CD8B2: variants seen among roughly 807,000 people sequenced by gnomAD.
CD8B2 encodes the protein T-cell surface glycoprotein CD8 beta-2 chain.
In CD8B2, 11 loss-of-function variants were observed where a neutral mutation model predicts 23.7. That is an observed-to-expected ratio of 0.46 (90% confidence interval 0.29 to 0.77). The LOEUF is 0.77. Among genes scored for constraint, CD8B2 ranks in the 30% least tolerant of loss-of-function variants. The pLI is 0.09. For synonymous variants in CD8B2, 90 were observed against 109.3 expected (o/e 0.82, Z 1.10); for missense variants, 197 against 270.5 (o/e 0.73, Z 1.91).
intron 2 of CD8B2, among the ~76,000 whole-genome samples, chr2:106,494,575 C>T (rs1031397638): frequency 2.0e-5 from 3 of 151,858 alleles, no homozygotes; most frequent in African/African-American, 7.3e-5. Context: ...AGATCTGTTT[C>T]CTTAACCCAC....
chr2:106,533,577 A>G (rs2104574553), intron 5 of CD8B2, among the ~76,000 whole-genome samples: 1 of 152,196 alleles, frequency 6.6e-6, no homozygotes, highest in Admixed American at 6.5e-5. Flanking sequence ...TCCCCTCCTT[A>G]CTGCACAGCT....
intron 1 of CD8B2, among the ~76,000 whole-genome samples, chr2:106,489,949 T>A (rs1303033639): frequency 1.3e-5 from 2 of 152,124 alleles, no homozygotes; most frequent in Admixed American, 1.3e-4. Context: ...TCCTCATGAA[T>A]AAGCCCCTGC....
chr2:106,497,056 C>T (rs1469525818), intron 3 of CD8B2, among the ~76,000 whole-genome samples: 1 of 152,206 alleles, frequency 6.6e-6, no homozygotes, highest in East Asian at 1.9e-4. Flanking sequence ...GGGTGGATCG[C>T]CTTGAGCTCA....
chr2:106,527,374 C>G (rs539930113), intron 5 of CD8B2, among the ~76,000 whole-genome samples: 2 of 152,340 alleles, frequency 1.3e-5, no homozygotes, highest in East Asian at 3.9e-4. Context: ...AACTTCTGTT[C>G]CTGTTTTCCC....
At chr2:106,497,137 C>T (rs1402332890) in intron 3 of CD8B2, among the ~76,000 whole-genome samples, 2 of 152,072 alleles carry the variant, frequency 1.3e-5, no homozygotes, top group African/African-American at 2.4e-5. Context: ...ATTAGATGGG[C>T]GTGGTGGCAC....
intron 5 of CD8B2, among the ~76,000 whole-genome samples, chr2:106,534,895 T>C (rs1573352278): frequency 6.6e-6 from 1 of 152,208 alleles, no homozygotes; most frequent in Non-Finnish European, 1.5e-5. Context: ...CTTGGCTCAC[T>C]GCAACCTCCT....
chr2:106,492,100 C>T (rs1244862130), intron 2 of CD8B2, among the ~76,000 whole-genome samples: 25 of 151,992 alleles, frequency 1.6e-4, no homozygotes, highest in Non-Finnish European at 2.1e-4. Context: ...ATACCTGAGT[C>T]GAAGTTAGTA....
chr2:106,520,210 A>G (rs1264557488), intron 5 of CD8B2, among the ~76,000 whole-genome samples: 1 of 152,262 alleles, frequency 6.6e-6, no homozygotes, highest in Non-Finnish European at 1.5e-5. Context: ...ATACTCAATG[A>G]TTATTGAAAG....
At chr2:106,517,309 C>A (rs2104566523) in intron 5 of CD8B2, among the ~76,000 whole-genome samples, 1 of 152,166 alleles carries the variant, frequency 6.6e-6, no homozygotes. Context: ...TATTCGGGAC[C>A]CCATTTCAAG....
chr2:106,489,497 C>T (rs192383208), intron 1 of CD8B2, among the ~76,000 whole-genome samples: 1 of 145,610 alleles, frequency 6.9e-6, no homozygotes, highest in African/African-American at 2.6e-5. Context: ...ATGCCCTCTG[C>T]CCCCCTCTGC....
chr2:106,525,961 G>T (rs139277911), intron 5 of CD8B2, among the ~76,000 whole-genome samples: 2 of 152,260 alleles, frequency 1.3e-5, no homozygotes, highest in Admixed American at 6.5e-5. Context: ...AAATTACTTG[G>T]CCCGGCGTGG....
At chr2:106,500,934 G>A (rs1041225912) in intron 3 of CD8B2, among the ~76,000 whole-genome samples, 1 of 152,092 alleles carries the variant, frequency 6.6e-6, no homozygotes, top group Non-Finnish European at 1.5e-5. Context: ...TAAGAAATTA[G>A]GGAATTTAAG....
At chr2:106,519,504 G>A (rs1679787641) in intron 5 of CD8B2, among the ~76,000 whole-genome samples, 1 of 152,226 alleles carries the variant, frequency 6.6e-6, no homozygotes. Flanking sequence ...TAACTTTCCA[G>A]TGAATGTGGC....
At chr2:106,492,505 A>C (rs1324708713) in intron 2 of CD8B2, among the ~76,000 whole-genome samples, 1 of 152,222 alleles carries the variant, frequency 6.6e-6, no homozygotes, top group Non-Finnish European at 1.5e-5. Flanking sequence ...ATCTCGATTC[A>C]GACTGGCCAC....
chr2:106,541,034 G>T (rs892702386), intron 5 of CD8B2, among the ~76,000 whole-genome samples: 54 of 152,140 alleles, frequency 3.5e-4, no homozygotes, highest in African/African-American at 1.2e-3. Flanking sequence ...GGAGGAGAGG[G>T]AATGAAGAGT....
Position 106,528,021 on chromosome 2 carries a change from G to A in CD8B2, c.621-15971G>A, listed in dbSNP as rs560557992. On this transcript the variant is annotated intron_variant, in intron 5 of 5. Coordinates refer to the CD8B2 transcript ENST00000416057. ...GGTGAGGTATAAGAGCTCAAGGACC[G>A]CTAAACGTGGGTACAAGCTATAATT... 9.1e-4 allele frequency among the ~76,000 whole-genome samples: 138 copies of A among 152,328 alleles called. 2 individuals carry two copies. In the South Asian group the frequency reaches 0.02, roughly 22 times the overall value.
rs1467940043 is a variant in CD8B2 at position 106,510,801 on chromosome 2, G to C, written c.*3861G>C. The C allele has an allele frequency of 6.6e-6, 1 of 151,418 alleles. No individual in the cohort carries two copies. The highest frequency in any genetic ancestry group is 1.5e-5 in the Non-Finnish European group (1 of 67,874). 9.4% of individuals were successfully genotyped at this position (151,418 alleles called of 1,614,324 possible). ...CCCATATTTTTTAAAACATAAAATT[G>C]AAATCTCGAGAATATAATACATAAA... On this transcript the variant is annotated 3_prime_UTR_variant, in exon 6 of 6. Transcript: ENST00000643224.
At chr2:106,497,301 A>G (rs1460914366) in intron 3 of CD8B2, among the ~76,000 whole-genome samples, 2 of 152,124 alleles carry the variant, frequency 1.3e-5, no homozygotes, top group Non-Finnish European at 2.9e-5. Context: ...TTAATACCTA[A>G]CAGAGGACCT....
At chr2:106,512,936 G>C (rs1679662757), downstream of CD8B2, among the ~76,000 whole-genome samples, 1 of 152,136 alleles carries the variant, frequency 6.6e-6, no homozygotes, top group South Asian at 2.1e-4. Context: ...AGGCCTGTAG[G>C]GGTCCTCTGG....
Sources: allele counts gnomAD v4.1 joint callset (sites outside exome capture counted in the v4.1 genomes callset), GRCh38; gene constraint gnomAD v4.1.1; transcripts MANE v1.5; gene names NCBI Gene and HGNC (gene_info 2026-07-23, HGNC 2026-07-21).